STAM2: variants seen among roughly 807,000 people sequenced by gnomAD.
STAM2 encodes signal transducing adaptor molecule 2.
A neutral mutation model predicts 65.6 loss-of-function variants in STAM2; 51 were observed. That is an observed-to-expected ratio of 0.78 (90% CI 0.62 to 0.98). The LOEUF is 0.98. STAM2 is among the 50% of genes least tolerant of loss of function. STAM2 has a pLI of 0.00. For missense variants in STAM2, 584 were observed against 617.8 expected, an observed-to-expected ratio of 0.95 and a Z score of 0.58; for synonymous variants, 198 against 208.4, an observed-to-expected ratio of 0.95 and a Z score of 0.43.
intron 2 of STAM2, among the ~76,000 whole-genome samples, chr2:152,149,432 C>G (rs13003831): frequency 0.15 from 22,693 of 151,560 alleles, 2,615 homozygotes; most frequent in East Asian, 0.58. Context: ...ACCAACACCC[C>G]ACGCAGCCGA....
intron 5 of STAM2, among the ~76,000 whole-genome samples, chr2:152,146,036 G>A (rs1402617864): frequency 6.6e-6 from 1 of 151,956 alleles, no homozygotes; most frequent in Non-Finnish European, 1.5e-5. Flanking sequence ...TTGAGAGGTC[G>A]AGGCAGGTGG....
chr2:152,124,137 G>T, intron 12 of STAM2: 1 of 535,648 alleles, frequency 1.9e-6, no homozygotes, highest in South Asian at 2.6e-5. Flanking sequence ...GATTTGTTTG[G>T]CTGTTCTTTT....
Position 152,144,894 on chromosome 2 carries a change from C to A in STAM2, c.511G>T (p.Ala171Ser), listed in dbSNP as rs1474724200. The change falls in exon 6 of 14, where the codon GCT becomes TCT. Residue 171 changes from alanine (A) to serine (S), a missense_variant. Physicochemically the swap from Ala to Ser is moderately conservative, Grantham distance 99. Transcript: ENST00000263904. ...SNKNKEDEDI[A>S]KAIELSLQEQ... ...CATGTGCTTGATCATTTACCTTTAG[C>A]TATGTCTTCATCCTCTTTGTTTTTG... 2 of 1,613,560 alleles carry A rather than the reference C, an allele frequency of 1.2e-6. No homozygotes were observed. The highest frequency in any genetic ancestry group is 1.7e-6 in the Non-Finnish European group (2 of 1,179,530).
At chr2:152,135,673 A>T in intron 7 of STAM2, 70 bp from the exon 8 acceptor site, 1 of 1,050,172 alleles carries the variant, frequency 9.5e-7, no homozygotes, top group South Asian at 1.4e-5. Flanking sequence ...ATGAATTAAA[A>T]ATTAAATTTA....
At chr2:152,126,920 T>C (rs961596778) in intron 11 of STAM2, among the ~76,000 whole-genome samples, 2 of 152,190 alleles carry the variant, frequency 1.3e-5, no homozygotes, top group Non-Finnish European at 2.9e-5. Context: ...TGGTTGCTTT[T>C]TGCAACCAAT....
chr2:152,139,918 T>A (rs1465641883), intron 7 of STAM2, among the ~76,000 whole-genome samples: 1 of 152,224 alleles, frequency 6.6e-6, no homozygotes, highest in Non-Finnish European at 1.5e-5. Context: ...TTACATTGTA[T>A]CAGGTACTAT....
At chr2:152,138,670 G>A (rs1226504344) in intron 7 of STAM2, among the ~76,000 whole-genome samples, 1 of 152,152 alleles carries the variant, frequency 6.6e-6, no homozygotes, top group African/African-American at 2.4e-5. Context: ...AGACGAAAGA[G>A]TTATATATCA....
At chr2:152,143,484 T>C (rs993736077) in intron 7 of STAM2, among the ~76,000 whole-genome samples, 11 of 152,180 alleles carry the variant, frequency 7.2e-5, no homozygotes, top group Non-Finnish European at 1.3e-4. Flanking sequence ...TATTGCTGTA[T>C]TTCTTCCTAA....
chr2:152,134,376 A>C (rs541976098), intron 8 of STAM2, among the ~76,000 whole-genome samples: 1 of 152,290 alleles, frequency 6.6e-6, no homozygotes, highest in African/African-American at 2.4e-5. Flanking sequence ...TTATTTTTTA[A>C]AGGTATCTCC....
rs144994444 is a variant in STAM2, at chr2:152,167,085, TTCA to T, written c.40+8515_40+8517del. On this transcript the variant is annotated intron_variant, in intron 1 of 13. Coordinates refer to ENST00000263904, the MANE Select transcript of STAM2 (RefSeq NM_005843.6). ...GTACATAATAAAATTTTTTAAATCC[TTCA>T]TCATTTCCCTTCATGCTTTTTTTAA... Among the ~76,000 whole-genome samples, 949 of 152,348 alleles carry T rather than the reference TTCA, an allele frequency of 6.2e-3. 9 individuals are homozygous for T. The highest frequency in any genetic ancestry group is 0.022 in the African/African-American group (898 of 41,578).
intron 1 of STAM2, among the ~76,000 whole-genome samples, chr2:152,165,429 T>C (rs1689758777): frequency 1.3e-5 from 2 of 149,458 alleles, no homozygotes. Flanking sequence ...AGACTCTGTC[T>C]CAAAAAAAAA....
At chr2:152,163,130 G>T (rs1196370510) in intron 1 of STAM2, among the ~76,000 whole-genome samples, 1 of 152,146 alleles carries the variant, frequency 6.6e-6, no homozygotes, top group Non-Finnish European at 1.5e-5. Flanking sequence ...TAGTTTTTCT[G>T]TTTCCCTATG....
intron 1 of STAM2, among the ~76,000 whole-genome samples, chr2:152,173,034 T>A (rs957285125): frequency 1.3e-5 from 2 of 151,982 alleles, no homozygotes; most frequent in African/African-American, 4.8e-5. Context: ...ACTATACTTA[T>A]CGTACTAAAT....
intron 1 of STAM2, among the ~76,000 whole-genome samples, chr2:152,171,987 A>T (rs1268288944): frequency 6.6e-6 from 1 of 152,212 alleles, no homozygotes; most frequent in Non-Finnish European, 1.5e-5. Flanking sequence ...CTTCTCTGTT[A>T]ACACTAACCA....
At position 152,175,670 on chromosome 2, in the gene STAM2, G is replaced by A. The variant is rs780331825; in HGVS notation, c.-28C>T. On this transcript the variant is annotated 5_prime_UTR_variant, in exon 1 of 14. Coordinates refer to ENST00000263904, the MANE Select transcript of STAM2 (RefSeq NM_005843.6). Reference sequence around the variant, plus strand: ...CGCCGGCGCCCGAGCCCTAGTCGCTGCTGTCTAGCTGACACTCAGCAACTG... The same window carrying A: ...CGCCGGCGCCCGAGCCCTAGTCGCTACTGTCTAGCTGACACTCAGCAACTG... The A allele has an allele frequency of 1.9e-6, 3 of 1,600,462 alleles. No homozygotes were observed. Among genetic ancestry groups the A allele is most frequent in the African/African-American group, 1.3e-5 (1 of 74,708 alleles).
At chr2:152,155,413 C>T (rs980139627) in intron 1 of STAM2, among the ~76,000 whole-genome samples, 3 of 152,150 alleles carry the variant, frequency 2.0e-5, no homozygotes, top group East Asian at 1.9e-4. Flanking sequence ...AAATATTCAA[C>T]GGGCTACATA....
intron 1 of STAM2, among the ~76,000 whole-genome samples, chr2:152,161,127 G>C (rs1265959394): frequency 6.6e-6 from 1 of 152,100 alleles, no homozygotes; most frequent in Non-Finnish European, 1.5e-5. Flanking sequence ...GTAGACATGG[G>C]AGACTTTACA....
At position 152,144,033 on chromosome 2, in the gene STAM2, T is replaced by A. The variant is rs1301905731; in HGVS notation, c.518-20A>T. 1 of 1,588,544 alleles carries A rather than the reference T, an allele frequency of 6.3e-7. No individual in the cohort carries two copies. Among genetic ancestry groups the A allele is most frequent in the Non-Finnish European group, 8.5e-7 (1 of 1,171,462 alleles). Reference sequence around the variant, plus strand: ...CAATAGCTAGTTTCAAAAATTAAAATGCAAAGAAACTGGAATTAATTTTGA... The same window carrying A: ...CAATAGCTAGTTTCAAAAATTAAAAAGCAAAGAAACTGGAATTAATTTTGA... On this transcript the variant is annotated intron_variant, in intron 6 of 13. Transcript: ENST00000263904.
chr2:152,120,577 A>G lies in STAM2; in HGVS notation c.1575T>C (p.Leu525=), dbSNP rs764341068. The part of the protein sequence containing the change: ...QHTNYHQQPL[L] ...CAAGAAAATGCTTGATTTGTTTCTA[A>G]AGGAGAGGCTGCTGATGGTAATTTG... is the stretch of plus-strand genomic sequence containing the variant. The change falls in exon 14 of 14, where the codon CTT becomes CTC. Residue 525 remains leucine (L), a synonymous_variant. Coordinates refer to ENST00000263904, the MANE Select transcript of STAM2 (RefSeq NM_005843.6). 131 of 1,613,736 alleles carry G rather than the reference A, an allele frequency of 8.1e-5. 1 individual carries two copies. Among genetic ancestry groups the G allele is most frequent in the Non-Finnish European group, 1.1e-4 (129 of 1,179,846 alleles).
Sources: gnomAD v4.1 joint callset for allele counts (sites outside exome capture counted in the v4.1 genomes callset) on GRCh38, gnomAD v4.1.1 for gene constraint, MANE v1.5 for transcripts, NCBI Gene and HGNC (gene_info 2026-07-23, HGNC 2026-07-21) for gene names.